The following HMGB1 variants were observed in gnomAD, a reference collection of about 807,000 sequenced individuals.
HMGB1 encodes the protein high mobility group protein B1.
For synonymous variants in HMGB1, 81 were observed against 84.0 expected (o/e 0.96, Z 0.19); for missense variants, 79 against 253.5 (o/e 0.31, Z 4.67).
chr13:30,609,908 A>C (rs1468418583), intron 1 of HMGB1, among the ~76,000 whole-genome samples: 4 of 152,184 alleles, frequency 2.6e-5, no homozygotes, highest in African/African-American at 9.6e-5. Flanking sequence ...AAATTGCTGC[A>C]AAAGATATTA....
intron 1 of HMGB1, among the ~76,000 whole-genome samples, chr13:30,525,003 C>A (rs979024766): frequency 6.6e-6 from 1 of 152,136 alleles, no homozygotes; most frequent in East Asian, 1.9e-4. Context: ...CAGAACAAAT[C>A]GGCATAGTAA....
chr13:30,614,189 AAT>A (rs1238622051), intron 1 of HMGB1, among the ~76,000 whole-genome samples: 1 of 152,236 alleles, frequency 6.6e-6, no homozygotes, highest in East Asian at 1.9e-4. Flanking sequence ...CTAGGCAGAA[AAT>A]GACTGAGTAT....
intron 1 of HMGB1, among the ~76,000 whole-genome samples, chr13:30,584,100 C>CAAAAT (rs1192520075): frequency 3.3e-5 from 5 of 151,664 alleles, no homozygotes; most frequent in African/African-American, 7.3e-5. Context: ...AGGAAGGAAA[C>CAAAAT]AAAATAAAAT....
chr13:30,504,714 T>C (rs1174093892), intron 1 of HMGB1, among the ~76,000 whole-genome samples: 3 of 152,050 alleles, frequency 2.0e-5, no homozygotes, highest in Admixed American at 6.6e-5. Flanking sequence ...AAGGCAAGCA[T>C]GCTCAGACAG....
chr13:30,550,654 G>A (rs1288399930), intron 1 of HMGB1, among the ~76,000 whole-genome samples: 2 of 152,170 alleles, frequency 1.3e-5, no homozygotes, highest in African/African-American at 2.4e-5. Flanking sequence ...TCTTTTGCCT[G>A]TGTGTCTGCA....
chr13:30,464,144 T>TAA, intron 1 of HMGB1: 1 of 779,602 alleles, frequency 1.3e-6, no homozygotes, highest in African/African-American at 1.9e-5. Flanking sequence ...TATGGGACCT[T>TAA]AAAAAAAAAA....
intron 1 of HMGB1, among the ~76,000 whole-genome samples, chr13:30,477,056 C>T (rs1565999954): frequency 6.6e-6 from 1 of 152,004 alleles, no homozygotes; most frequent in Non-Finnish European, 1.5e-5. Flanking sequence ...TCCACTAAAG[C>T]CATATGATCT....
chr13:30,586,029 GC>G (rs1256490724), intron 1 of HMGB1, among the ~76,000 whole-genome samples: 1 of 152,084 alleles, frequency 6.6e-6, no homozygotes, highest in African/African-American at 2.4e-5. Flanking sequence ...CGTTCATGCT[GC>G]CAAATCCAGC....
At chr13:30,476,882 G>T (rs1013364597) in intron 1 of HMGB1, among the ~76,000 whole-genome samples, 1 of 130,744 alleles carries the variant, frequency 7.6e-6, no homozygotes, top group Non-Finnish European at 1.7e-5. Flanking sequence ...AAAAAAAAAA[G>T]ATTTTGTTTA....
intron 1 of HMGB1, among the ~76,000 whole-genome samples, chr13:30,566,254 T>C (rs542498907): frequency 1.3e-5 from 2 of 152,364 alleles, no homozygotes; most frequent in African/African-American, 4.8e-5. Flanking sequence ...GTTCTCATTA[T>C]ACAGTACTAA....
intron 1 of HMGB1, among the ~76,000 whole-genome samples, chr13:30,553,320 G>C (rs1869518662): frequency 6.6e-6 from 1 of 152,140 alleles, no homozygotes; most frequent in Non-Finnish European, 1.5e-5. Context: ...GCTTTCGGGA[G>C]AGCCCAGACT....
intron 1 of HMGB1, among the ~76,000 whole-genome samples, chr13:30,495,755 G>A (rs1887597639): frequency 6.6e-6 from 1 of 152,210 alleles, no homozygotes; most frequent in Non-Finnish European, 1.5e-5. Context: ...TGGGATTACA[G>A]GTGTGAGCCA....
chr13:30,563,643 C>T (rs1463850591), intron 1 of HMGB1, among the ~76,000 whole-genome samples: 1 of 152,152 alleles, frequency 6.6e-6, no homozygotes, highest in East Asian at 1.9e-4. Context: ...AAATTAAAAG[C>T]CCATTTCTTT....
chr13:30,538,925 C>G (rs891597899), intron 1 of HMGB1, among the ~76,000 whole-genome samples: 4 of 151,726 alleles, frequency 2.6e-5, no homozygotes, highest in African/African-American at 9.7e-5. Flanking sequence ...GAGATGGAGT[C>G]TCGCTCTGTC....
At chr13:30,466,964 G>A (rs1446405570), upstream of HMGB1, among the ~76,000 whole-genome samples, 1 of 152,224 alleles carries the variant, frequency 6.6e-6, no homozygotes, top group East Asian at 1.9e-4. Context: ...TAGGATTACA[G>A]GAGTTGTAGG....
intron 1 of HMGB1, among the ~76,000 whole-genome samples, chr13:30,488,630 TG>T (rs1887414544): frequency 6.7e-6 from 1 of 149,628 alleles, no homozygotes; most frequent in Non-Finnish European, 1.5e-5. Context: ...GCTACAAGCC[TG>T]GCTAATTTTT....
intron 1 of HMGB1, among the ~76,000 whole-genome samples, chr13:30,479,716 G>C (rs1339861432): frequency 2.0e-5 from 3 of 152,126 alleles, no homozygotes; most frequent in Non-Finnish European, 4.4e-5. Flanking sequence ...TCCATAAAAT[G>C]ATGATATCAC....
intron 1 of HMGB1, among the ~76,000 whole-genome samples, chr13:30,569,119 G>A (rs1870314925): frequency 6.6e-6 from 1 of 151,872 alleles, no homozygotes; most frequent in Non-Finnish European, 1.5e-5. Flanking sequence ...AGGTTGTAGT[G>A]AATGCCACTG....
chr13:30,615,911 G>A (rs1291942577), intron 1 of HMGB1, among the ~76,000 whole-genome samples: 1 of 152,190 alleles, frequency 6.6e-6, no homozygotes, highest in African/African-American at 2.4e-5. Context: ...GTTTATAACT[G>A]GAAATAGGTC....
Sources: allele counts gnomAD v4.1 joint callset (sites outside exome capture counted in the v4.1 genomes callset), GRCh38; gene constraint gnomAD v4.1.1; transcripts MANE v1.5; gene names NCBI Gene and HGNC (gene_info 2026-07-23, HGNC 2026-07-21).